NAA40: variants seen among roughly 807,000 people sequenced by gnomAD.
The protein encoded by NAA40 is N-alpha-acetyltransferase 40, NatD catalytic subunit.
In NAA40, 26 loss-of-function variants were observed where a neutral mutation model predicts 36.6. That is an observed-to-expected ratio of 0.71 (90% CI 0.52 to 0.98). The LOEUF (loss-of-function observed/expected upper bound fraction) is 0.98. NAA40 is among the 50% of genes least tolerant of loss of function. The pLI, the probability that NAA40 is intolerant of heterozygous loss-of-function variation, is 0.00. For missense variants in NAA40, 237 were observed against 306.5 expected (o/e 0.77, Z 1.69); for synonymous variants, 129 against 108.4 (o/e 1.19, Z -1.18).
chr11:63,956,179 G>GTCTGCC lies in NAA40; in HGVS notation c.*1715_*1720dup, dbSNP rs966823931. The GTCTGCC allele has an allele frequency of 2.0e-5, 3 of 152,856 alleles. No homozygotes were observed. Among genetic ancestry groups the GTCTGCC allele is most frequent in the East Asian group, 1.9e-4 (1 of 5,190 alleles). 9.5% of individuals were successfully genotyped at this position (152,856 alleles called of 1,614,324 possible). On this transcript the variant is annotated 3_prime_UTR_variant, in exon 8 of 8. Coordinates refer to ENST00000377793, the MANE Select transcript of NAA40 (RefSeq NM_024771.4). ...GCCTTGCAGCTTTACACTGGAATAA[G>GTCTGCC]TCTGCCTCTGCCTCTGCCTCACCCT...
chr11:63,942,428 TGA>T (rs775896022), intron 1 of NAA40, among the ~76,000 whole-genome samples: 8 of 152,178 alleles, frequency 5.3e-5, no homozygotes, highest in Non-Finnish European at 8.8e-5. Context: ...AGAAGAAAAC[TGA>T]GAGAGAAATT....
intron 1 of NAA40, among the ~76,000 whole-genome samples, chr11:63,944,207 A>G (rs959465487): frequency 6.6e-6 from 1 of 152,204 alleles, no homozygotes; most frequent in Non-Finnish European, 1.5e-5. Flanking sequence ...CTTCCCCAGC[A>G]TCTGGTTTTT....
chr11:63,942,314 A>G (rs1167255143), intron 1 of NAA40, among the ~76,000 whole-genome samples: 1 of 152,174 alleles, frequency 6.6e-6, no homozygotes, highest in Non-Finnish European at 1.5e-5. Flanking sequence ...AGTAAAATAG[A>G]TCACCTTTAT....
Position 63,945,915 on chromosome 11 carries a change from A to G in NAA40, c.82A>G (p.Lys28Glu), listed in dbSNP as rs1339908170. The change falls in exon 2 of 8, where the codon AAA becomes GAA. Residue 28 changes from lysine to glutamate, a missense_variant. Physicochemically the swap from Lys to Glu is moderately conservative, Grantham distance 56. Coordinates refer to ENST00000377793, the MANE Select transcript of NAA40 (RefSeq NM_024771.4). ...ERAAMDAVCAKVDAANRLGDP... is the reference protein window; with the variant it reads ...ERAAMDAVCAEVDAANRLGDP... ...AGCAGCCATGGATGCCGTTTGTGCC[A>G]AAGTGGACGCTGCCAACAGGGTGAT... 3.1e-6 allele frequency: 5 copies of G among 1,614,028 alleles called. No homozygotes were observed. The highest frequency in any genetic ancestry group is 4.2e-6 in the Non-Finnish European group (5 of 1,179,992).
intron 2 of NAA40, chr11:63,946,441 G>A: frequency 2.5e-6 from 2 of 803,310 alleles, no homozygotes; most frequent in South Asian, 3.2e-5. Context: ...CTGAGCCCAA[G>A]CATTTCACCT....
At chr11:63,942,123 G>A (rs1425537701) in intron 1 of NAA40, among the ~76,000 whole-genome samples, 1 of 152,150 alleles carries the variant, frequency 6.6e-6, no homozygotes, top group East Asian at 1.9e-4. Context: ...AGCACTGGGT[G>A]AACATAGCCA....
At chr11:63,947,139 G>A (rs1343577046) in intron 3 of NAA40, 136 bp downstream of exon 3, 12 of 891,440 alleles carry the variant, frequency 1.3e-5, no homozygotes, top group Non-Finnish European at 1.8e-5. Flanking sequence ...GGGTGCGGTG[G>A]CTCACGCCTG....
chr11:63,954,225 C>T (rs1176406953), intron 7 of NAA40, 113 bp from the exon 8 acceptor site: 8 of 1,448,520 alleles, frequency 5.5e-6, no homozygotes, highest in Non-Finnish European at 7.5e-6. Context: ...TGTCCACCTC[C>T]TGCACCCTCA....
In NAA40 at chr11:63,954,753, T is replaced by G. The variant is rs1942337433; in HGVS notation, c.*274T>G. ...CCTCCACAGTGGCTGCCTCCTCATT[T>G]GGCTCCTGGGGCCTGCAGTGGAGGT... On this transcript the variant is annotated 3_prime_UTR_variant, in exon 8 of 8. Transcript: ENST00000377793. 3.2e-6 allele frequency: 1 copy of G among 312,458 alleles called. No homozygotes were observed. Among genetic ancestry groups the G allele is most frequent in the East Asian group, 5.5e-5 (1 of 18,246 alleles). 19.4% of individuals were successfully genotyped at this position (312,458 alleles called of 1,614,324 possible).
chr11:63,941,306 G>T (rs1410923201), intron 1 of NAA40, among the ~76,000 whole-genome samples: 1 of 152,210 alleles, frequency 6.6e-6, no homozygotes, highest in African/African-American at 2.4e-5. Flanking sequence ...GCAGAGCCTG[G>T]CCTCAGGCTG....
In NAA40 at chr11:63,954,574, C is replaced by T. The variant is rs527657469; in HGVS notation, c.*95C>T. 2.2e-5 allele frequency: 30 copies of T among 1,392,184 alleles called. No homozygotes were observed. In the East Asian group the frequency reaches 3.8e-4, roughly 18 times the overall value. 86.2% of individuals were successfully genotyped at this position (1,392,184 alleles called of 1,614,324 possible). A position where few individuals can be genotyped will look rare whatever the true frequency, so the allele number is the denominator to read the frequency against. ...CACCGGGTGTCCTCAGAGCTGTGGC[C>T]TCCCCAGCCCTGCACGTGCCAGGCT... On this transcript the variant is annotated 3_prime_UTR_variant, in exon 8 of 8. Coordinates refer to ENST00000377793, the MANE Select transcript of NAA40 (RefSeq NM_024771.4).
intron 3 of NAA40, among the ~76,000 whole-genome samples, chr11:63,947,588 T>G (rs2134273232): frequency 6.6e-6 from 1 of 151,946 alleles, no homozygotes; most frequent in East Asian, 2.0e-4. Context: ...TCTTGCTTAG[T>G]CACCCAGGCT....
intron 3 of NAA40, among the ~76,000 whole-genome samples, chr11:63,947,903 G>C (rs1272076717): frequency 6.6e-6 from 1 of 152,108 alleles, no homozygotes; most frequent in Non-Finnish European, 1.5e-5. Context: ...TGTATTTTTA[G>C]TAGAGTCAGG....
At chr11:63,949,270 G>A (rs1164688888) in intron 3 of NAA40, among the ~76,000 whole-genome samples, 3 of 152,168 alleles carry the variant, frequency 2.0e-5, no homozygotes, top group Admixed American at 6.5e-5. Context: ...GATGTAAAGT[G>A]TTAGTTCCTG....
rs1162288955 is a variant in NAA40, at chr11:63,952,750, A to G, written c.411-6A>G. 6.2e-7 allele frequency: 1 copy of G among 1,613,970 alleles called. No homozygotes were observed. Among genetic ancestry groups the G allele is most frequent in the South Asian group, 1.1e-5 (1 of 91,066 alleles). ...GCACGCTCACCTCTCTGCTTTCTTC[A>G]CCTAGCTATGAAGTGCAGTTGGAAA... On this transcript the variant is annotated splice_region_variant and splice_polypyrimidine_tract_variant and intron_variant, in intron 5 of 7. Coordinates refer to ENST00000377793, the MANE Select transcript of NAA40 (RefSeq NM_024771.4).
chr11:63,947,286 A>AAT lies in NAA40; in HGVS notation c.155+284_155+285dup, dbSNP rs1590753978. On this transcript the variant is annotated intron_variant, in intron 3 of 7. Coordinates refer to ENST00000377793, the MANE Select transcript of NAA40 (RefSeq NM_024771.4). ...AGCTGGCACGGTGGCGATCGCCTGT[A>AAT]ATCCCAGCTACTCGGGAGGCTGAGG... is the stretch of plus-strand genomic sequence containing the variant. 2.6e-5 allele frequency among the ~76,000 whole-genome samples: 4 copies of AAT among 152,188 alleles called. No individual in the cohort carries two copies. The East Asian group carries it at 7.8e-4, about 30-fold the overall frequency.
rs764659048 is a variant in NAA40, at chr11:63,954,358, C to T, written c.593C>T (p.Ser198Phe). Residue 198 changes from serine (S) to phenylalanine (F), a missense_variant, in exon 8 of 8, where the codon TCC (serine) becomes TTC (phenylalanine). Coordinates refer to ENST00000377793, the MANE Select transcript of NAA40 (RefSeq NM_024771.4). ...EALQFEIDDS[S>F]PSMSGCCGED... is the part of the protein sequence containing the mutation. ...TGCAGATTTGAAATTGATGACTCTT[C>T]CCCCAGCATGTCCGGTTGCTGTGGG... 6 of 1,600,038 alleles carry T rather than the reference C, an allele frequency of 3.7e-6. No homozygotes were observed. The highest frequency in any genetic ancestry group is 3.5e-5 in the Admixed American group (2 of 56,734).
chr11:63,950,308 G>A (rs1313196387), intron 3 of NAA40, among the ~76,000 whole-genome samples: 10 of 151,912 alleles, frequency 6.6e-5, no homozygotes, highest in African/African-American at 2.4e-4. Flanking sequence ...TAGTAAAGAC[G>A]GAGTTTCGCC....
chr11:63,946,468 G>A, intron 2 of NAA40: 1 of 1,044,146 alleles, frequency 9.6e-7, no homozygotes. Context: ...GCCTCCCAAA[G>A]TGCTGGGATT....
Sources: allele counts gnomAD v4.1 joint callset (sites outside exome capture counted in the v4.1 genomes callset), GRCh38; gene constraint gnomAD v4.1.1; transcripts MANE v1.5; gene names NCBI Gene and HGNC (gene_info 2026-07-23, HGNC 2026-07-21).